Variants in TEX15 observed in about 807,000 individuals in gnomAD.
The protein encoded by TEX15 is testis expressed 15, meiosis and synapsis associated.
TEX15 carries 171 observed loss-of-function variants against 237.3 expected under a neutral mutation model. The ratio of observed to expected loss-of-function variants is 0.72; its 90% confidence interval spans 0.64 to 0.82. TEX15 has a LOEUF of 0.82. Ranked by LOEUF, TEX15 falls within the 40% of genes least tolerant of loss-of-function variation. The pLI, the probability that TEX15 is intolerant of heterozygous loss-of-function variation, is 0.00. For synonymous variants in TEX15, 1,338 were observed against 1,269.8 expected (o/e 1.05, Z -1.14); for missense variants, 3,750 against 3,646.5 (o/e 1.03, Z -0.73).
At chr8:30,908,170 C>G (rs1563281690) in intron 1 of TEX15, among the ~76,000 whole-genome samples, 2 of 152,130 alleles carry the variant, frequency 1.3e-5, no homozygotes. Context: ...GTGATCCTCC[C>G]ACCTCAGCCT....
At position 30,847,198 on chromosome 8, in the gene TEX15, GC is replaced by G. The variant is rs1286538177; in HGVS notation, c.2968del (p.Ala990LeufsTer6). 6.2e-7 allele frequency: 1 copy of G among 1,613,948 alleles called. No individual in the cohort carries two copies. Among genetic ancestry groups the G allele is most frequent in the African/African-American group, 1.3e-5 (1 of 75,036 alleles). Reference sequence around the variant, plus strand: ...ATTTAGGCTTAATGCAGGCATAGTAGCACTAGCTATCTGTATTGCAGCATTT... The same window carrying G: ...ATTTAGGCTTAATGCAGGCATAGTAGACTAGCTATCTGTATTGCAGCATTT... ...ASNAAIQIAS[A>X]TMPALSLNND... is the part of the protein sequence containing the mutation. On this transcript the variant is annotated frameshift_variant, in exon 8 of 11. Coordinates refer to ENST00000643185, the MANE Select transcript of TEX15 (RefSeq NM_001350162.2). LOFTEE classifies it high-confidence loss of function.
intron 7 of TEX15, among the ~76,000 whole-genome samples, chr8:30,851,437 C>T (rs2128768918): frequency 6.6e-6 from 1 of 152,216 alleles, no homozygotes; most frequent in East Asian, 1.9e-4. Context: ...TGAGACCAGC[C>T]TGGCCAACAT....
chr8:30,865,103 C>T (rs978639584), intron 5 of TEX15, among the ~76,000 whole-genome samples: 2 of 151,380 alleles, frequency 1.3e-5, no homozygotes, highest in Admixed American at 6.6e-5. Flanking sequence ...AGACAGAAGA[C>T]CCAAATAAAT....
At chr8:30,867,044 G>T (rs1316620419) in intron 5 of TEX15, among the ~76,000 whole-genome samples, 1 of 149,642 alleles carries the variant, frequency 6.7e-6, no homozygotes, top group Non-Finnish European at 1.5e-5. Context: ...AAAGATGAAG[G>T]CTGCCTTTGC....
At chr8:30,885,785 T>C (rs1808634748) in intron 3 of TEX15, among the ~76,000 whole-genome samples, 1 of 152,200 alleles carries the variant, frequency 6.6e-6, no homozygotes, top group African/African-American at 2.4e-5. Context: ...GTCTGTTGGA[T>C]ACGCCCATTT....
chr8:30,833,273 C>G lies in TEX15; in HGVS notation c.*13G>C, dbSNP rs1306017029. On this transcript the variant is annotated 3_prime_UTR_variant, in exon 11 of 11. Coordinates refer to ENST00000643185, the MANE Select transcript of TEX15 (RefSeq NM_001350162.2). ...ACTTGTTATGTCTTATTTCAATAGA[C>G]AGAAGACTATTTTCAGTGTCCTGGA... 2 of 1,570,120 alleles carry G rather than the reference C, an allele frequency of 1.3e-6. No individual in the cohort carries two copies. The highest frequency in any genetic ancestry group is 3.8e-5 in the Admixed American group (2 of 53,108).
chr8:30,873,945 A>G (rs1446280666), intron 4 of TEX15, among the ~76,000 whole-genome samples: 1 of 152,314 alleles, frequency 6.6e-6, no homozygotes, highest in African/African-American at 2.4e-5. Flanking sequence ...CTATAACACT[A>G]ACAGGGAGAA....
chr8:30,903,109 A>T (rs1188329353), intron 1 of TEX15, among the ~76,000 whole-genome samples: 1 of 152,216 alleles, frequency 6.6e-6, no homozygotes, highest in Non-Finnish European at 1.5e-5. Flanking sequence ...TGGCACTCAA[A>T]GATTTCCATG....
intron 3 of TEX15, among the ~76,000 whole-genome samples, chr8:30,878,686 C>T (rs1269773541): frequency 1.3e-5 from 2 of 152,114 alleles, no homozygotes; most frequent in Non-Finnish European, 2.9e-5. Flanking sequence ...TGTGCCTGGC[C>T]TGCGTGCTTA....
At position 30,895,676 on chromosome 8, in the gene TEX15, C is replaced by CTTTTTTTTTTTT. The variant is rs34002027; in HGVS notation, c.-10+3054_-10+3065dup. Among the ~76,000 whole-genome samples the CTTTTTTTTTTTT allele has an allele frequency of 3.7e-3, 221 of 60,050 alleles. 43 individuals are homozygous for CTTTTTTTTTTTT. The highest frequency in any genetic ancestry group is 0.011 in the African/African-American group (141 of 12,340). 39.4% of individuals were successfully genotyped at this position (60,050 alleles called of 152,430 possible). ...CATGTCAACACCTTTTAAACACATGCTTTTTTTTTTTTTTTTTTTTTTTTG... is the reference window on the plus strand; with the variant it reads ...CATGTCAACACCTTTTAAACACATGCTTTTTTTTTTTTTTTTTTTTTTTTTTTTTTTTTTTTG... On this transcript the variant is annotated intron_variant, in intron 2 of 10. Transcript: ENST00000643185.
intron 4 of TEX15, among the ~76,000 whole-genome samples, chr8:30,872,085 T>C (rs918413772): frequency 2.0e-5 from 3 of 152,020 alleles, no homozygotes; most frequent in Non-Finnish European, 4.4e-5. Flanking sequence ...AGAGTAAGAA[T>C]GTCTGTCTCT....
Position 30,845,210 on chromosome 8 carries a change from C to A in TEX15, c.4957G>T (p.Val1653Phe), listed in dbSNP as rs773550282. ...AAGTGCTTCACATTTGAATCTAAGA[C>A]TGATATAAGTACGTCAGTTTTCGCC... Reference protein sequence around the residue: ...TKAKTDVLISVLDSNVKHFLN... With the variant: ...TKAKTDVLISFLDSNVKHFLN... Residue 1653 changes from valine (V) to phenylalanine (F), a missense_variant, in exon 8 of 11, where the codon GTC becomes TTC. Coordinates refer to ENST00000643185, the MANE Select transcript of TEX15 (RefSeq NM_001350162.2). The A allele has an allele frequency of 6.2e-7, 1 of 1,613,384 alleles. No individual in the cohort carries two copies. The highest frequency in any genetic ancestry group is 1.3e-5 in the African/African-American group (1 of 74,906).
chr8:30,863,418 T>C (rs11785371), intron 5 of TEX15, among the ~76,000 whole-genome samples: 5,631 of 152,204 alleles, frequency 0.037, 144 homozygotes, highest in Middle Eastern at 0.075. Context: ...TGGAGCAGCT[T>C]GTACATGTGT....
chr8:30,890,467 C>G (rs935223821), intron 2 of TEX15: 1 of 152,092 alleles, frequency 6.6e-6, no homozygotes, highest in Non-Finnish European at 1.5e-5. Flanking sequence ...TTGCCATTGT[C>G]TAGCTCACCT....
At chr8:30,892,517 T>G (rs1192909226) in intron 2 of TEX15, among the ~76,000 whole-genome samples, 1 of 152,260 alleles carries the variant, frequency 6.6e-6, no homozygotes, top group Admixed American at 6.5e-5. Flanking sequence ...AACTGGAACT[T>G]CACTGAACCC....
In TEX15 at chr8:30,866,450, A is replaced by G. The variant is rs146282713; in HGVS notation, c.540+815T>C. 7.0e-3 allele frequency among the ~76,000 whole-genome samples: 1,063 copies of G among 152,182 alleles called. 11 individuals carry two copies. The highest frequency in any genetic ancestry group is 0.01 in the Non-Finnish European group (699 of 67,990). On this transcript the variant is annotated intron_variant, in intron 5 of 10. Coordinates refer to ENST00000643185, the MANE Select transcript of TEX15 (RefSeq NM_001350162.2). ...GGAAAACCCTAACTTGGAAAACTAG[A>G]AAGTACAGAAAACTATATTGTCATG...
At position 30,858,847 on chromosome 8, in the gene TEX15, G is replaced by C. The variant is rs1162538842; in HGVS notation, c.688-17C>G. On this transcript the variant is annotated splice_polypyrimidine_tract_variant and intron_variant, in intron 6 of 10. Coordinates refer to ENST00000643185, the MANE Select transcript of TEX15 (RefSeq NM_001350162.2). ...GAAGTACACCTGAAAGATGAAAACA[G>C]GTTCATGCTGATTAATTTTGGCAAT... 4.7e-6 allele frequency: 7 copies of C among 1,487,022 alleles called. No homozygotes were observed. Among genetic ancestry groups the C allele is most frequent in the Non-Finnish European group, 6.2e-6 (7 of 1,127,778 alleles). The allele number at this position is 1,487,022 out of a possible 1,614,324, so 92.1% of individuals were successfully genotyped here. A position where few individuals can be genotyped will look rare whatever the true frequency, so the allele number is the denominator to read the frequency against.
At chr8:30,880,502 C>T (rs561683512) in intron 3 of TEX15, among the ~76,000 whole-genome samples, 11 of 152,308 alleles carry the variant, frequency 7.2e-5, no homozygotes, top group African/African-American at 2.6e-4. Flanking sequence ...CCAACCCCTC[C>T]TCTTCCTTAG....
At chr8:30,903,101 G>T (rs921330791) in intron 1 of TEX15, among the ~76,000 whole-genome samples, 1 of 152,068 alleles carries the variant, frequency 6.6e-6, no homozygotes, top group Non-Finnish European at 1.5e-5. Context: ...GCCAAAACTG[G>T]CACTCAAAGA....
Sources: allele counts gnomAD v4.1 joint callset (sites outside exome capture counted in the v4.1 genomes callset), GRCh38; gene constraint gnomAD v4.1.1; transcripts MANE v1.5; gene names NCBI Gene and HGNC (gene_info 2026-07-23, HGNC 2026-07-21).